GRM7: variants seen among roughly 807,000 people sequenced by gnomAD.
GRM7 encodes the protein metabotropic glutamate receptor 7.
In GRM7, 35 loss-of-function variants were observed where a neutral mutation model predicts 84.5. The ratio of observed to expected loss-of-function variants is 0.41; its 90% CI spans 0.32 to 0.55. The LOEUF (loss-of-function observed/expected upper bound fraction) is 0.55, where lower values mean the gene tolerates loss of function less well. GRM7 is among the 20% of genes least tolerant of loss of function. GRM7 has a pLI of 0.19. For synonymous variants in GRM7, 487 were observed against 455.1 expected, an observed-to-expected ratio of 1.07 and a Z score of -0.89; for missense variants, 1,003 against 1,194.6, an observed-to-expected ratio of 0.84 and a Z score of 2.36.
intron 1 of GRM7, among the ~76,000 whole-genome samples, chr3:7,031,509 C>A (rs1020559625): frequency 6.6e-6 from 1 of 151,938 alleles, no homozygotes; most frequent in Non-Finnish European, 1.5e-5. Context: ...CTCCGCCTCC[C>A]GGGTTCATGC....
At chr3:7,609,640 A>G (rs1696755222) in intron 8 of GRM7, among the ~76,000 whole-genome samples, 1 of 152,152 alleles carries the variant, frequency 6.6e-6, no homozygotes. Context: ...TAAATGGAGT[A>G]AATGAAGGCC....
chr3:7,361,960 G>C (rs1693683088), intron 4 of GRM7, among the ~76,000 whole-genome samples: 1 of 152,062 alleles, frequency 6.6e-6, no homozygotes, highest in African/African-American at 2.4e-5. Context: ...AATTTCTGCC[G>C]ATTCTAAAGG....
chr3:7,342,716 C>T (rs1692698106), intron 4 of GRM7, among the ~76,000 whole-genome samples: 1 of 152,112 alleles, frequency 6.6e-6, no homozygotes, highest in African/African-American at 2.4e-5. Flanking sequence ...GTTTCTAAAG[C>T]GTTTCTAGGT....
chr3:7,153,693 A>G (rs1402267610), intron 2 of GRM7, among the ~76,000 whole-genome samples: 1 of 152,138 alleles, frequency 6.6e-6, no homozygotes, highest in Non-Finnish European at 1.5e-5. Context: ...AAATCTGGTG[A>G]TATGACTTGT....
At position 7,088,482 on chromosome 3, in the gene GRM7, AT is replaced by A. The variant is rs565627834; in HGVS notation, c.520-57960del. Among the ~76,000 whole-genome samples, 850 of 149,412 alleles carry A rather than the reference AT, an allele frequency of 5.7e-3. 11 individuals are homozygous for A. The highest frequency in any genetic ancestry group is 0.018 in the African/African-American group (723 of 40,384). ...TGACTCTAGATGGGATATTATCTAA[AT>A]TTTTTTTTTCTTTTAAAATGGCTAC... On this transcript the variant is annotated intron_variant, in intron 1 of 9. Coordinates refer to ENST00000357716, the MANE Select transcript of GRM7 (RefSeq NM_000844.4).
At chr3:7,501,208 T>C (rs746696005) in intron 7 of GRM7, among the ~76,000 whole-genome samples, 1 of 152,228 alleles carries the variant, frequency 6.6e-6, no homozygotes, top group Non-Finnish European at 1.5e-5. Context: ...ATAATATCAT[T>C]ATCCTCATTT....
At chr3:7,381,146 T>C (rs73809089) in intron 4 of GRM7, among the ~76,000 whole-genome samples, 3,413 of 152,198 alleles carry the variant, frequency 0.022, 129 homozygotes, top group African/African-American at 0.075. Flanking sequence ...TCCTTGACTT[T>C]ATGCTATTAT....
chr3:7,580,685 G>T (rs1266951192), intron 8 of GRM7, among the ~76,000 whole-genome samples: 5 of 152,098 alleles, frequency 3.3e-5, no homozygotes, highest in Non-Finnish European at 7.4e-5. Flanking sequence ...AGAATGAATG[G>T]TTCCAGATTA....
intron 8 of GRM7, among the ~76,000 whole-genome samples, chr3:7,620,545 G>A (rs949451602): frequency 3.9e-5 from 6 of 152,086 alleles, no homozygotes; most frequent in African/African-American, 1.2e-4. Context: ...TATATTTGAA[G>A]CAGTCTTAAT....
At chr3:7,085,403 T>C (rs940278537) in intron 1 of GRM7, among the ~76,000 whole-genome samples, 1 of 152,202 alleles carries the variant, frequency 6.6e-6, no homozygotes, top group African/African-American at 2.4e-5. Context: ...ATGGGATAAG[T>C]AGTTTTATTC....
At chr3:7,549,695 C>G (rs1693350622) in intron 7 of GRM7, among the ~76,000 whole-genome samples, 2 of 152,192 alleles carry the variant, frequency 1.3e-5, no homozygotes, top group South Asian at 4.1e-4. Context: ...AGAGTCCATG[C>G]TCTATTTTCT....
At chr3:7,516,617 C>CT (rs975266327) in intron 7 of GRM7, among the ~76,000 whole-genome samples, 1 of 151,416 alleles carries the variant, frequency 6.6e-6, no homozygotes, top group African/African-American at 2.4e-5. Flanking sequence ...AGCCAGATCA[C>CT]TGAAGGTCCT....
At chr3:7,223,240 T>C (rs1353304213) in intron 2 of GRM7, among the ~76,000 whole-genome samples, 1 of 152,124 alleles carries the variant, frequency 6.6e-6, no homozygotes, top group Non-Finnish European at 1.5e-5. Context: ...TTGCAAATTA[T>C]CTGGTTTTGT....
chr3:7,366,428 T>C (rs1249896448), intron 4 of GRM7, among the ~76,000 whole-genome samples: 1 of 151,900 alleles, frequency 6.6e-6, no homozygotes, highest in Non-Finnish European at 1.5e-5. Context: ...CAGTCCACCA[T>C]TTTGCTGCAA....
chr3:7,671,980 C>A (rs1215828563), intron 8 of GRM7, among the ~76,000 whole-genome samples: 1 of 152,120 alleles, frequency 6.6e-6, no homozygotes, highest in African/African-American at 2.4e-5. Flanking sequence ...AAGTCACCCA[C>A]TAATAATCCA....
chr3:7,446,647 A>G (rs1697526875), intron 5 of GRM7, among the ~76,000 whole-genome samples: 1 of 151,870 alleles, frequency 6.6e-6, no homozygotes, highest in Admixed American at 6.6e-5. Flanking sequence ...TTTGGTACAG[A>G]CGAGGTTTCA....
chr3:7,102,708 C>T (rs35151962), intron 1 of GRM7, among the ~76,000 whole-genome samples: 20,709 of 151,670 alleles, frequency 0.14, 1,822 homozygotes, highest in Middle Eastern at 0.26. Context: ...TAGATTGTCC[C>T]ACGGGTCACT....
intron 8 of GRM7, among the ~76,000 whole-genome samples, chr3:7,627,790 A>G (rs1421276544): frequency 6.6e-6 from 1 of 152,122 alleles, no homozygotes; most frequent in Non-Finnish European, 1.5e-5. Context: ...GGCTGCCTCC[A>G]CCTGTGTTTT....
chr3:6,869,806 A>C, intron 1 of GRM7, among the ~76,000 whole-genome samples: 1 of 152,222 alleles, frequency 6.6e-6, no homozygotes, highest in African/African-American at 2.4e-5. Flanking sequence ...GAGCAGTGGA[A>C]GTCTGGCAGC....
Sources: allele counts gnomAD v4.1 joint callset (sites outside exome capture counted in the v4.1 genomes callset), GRCh38; gene constraint gnomAD v4.1.1; transcripts MANE v1.5; gene names NCBI Gene and HGNC (gene_info 2026-07-23, HGNC 2026-07-21).